The following CIB2 variants were observed in gnomAD, a reference collection of about 807,000 sequenced individuals.
CIB2 encodes calcium and integrin binding family member 2, also known as calcium and integrin-binding family member 2.
CIB2 carries 19 observed loss-of-function variants against 23.1 expected under a neutral mutation model. The observed-to-expected ratio is 0.82, with a 90% CI of 0.57 to 1.21. CIB2 has a LOEUF of 1.21. Ranked by LOEUF, CIB2 falls within the 50% of genes most tolerant of loss-of-function variation. The probability of loss-of-function intolerance (pLI) is 0.00; values close to 1 mark genes in which losing one functional copy is unlikely to be tolerated. For missense variants in CIB2, 220 were observed against 241.5 expected (o/e 0.91, Z 0.59); for synonymous variants, 94 against 91.7 (o/e 1.03, Z -0.14).
At chr15:78,109,634 G>A (rs1442358163) in intron 3 of CIB2, 11 of 522,178 alleles carry the variant, frequency 2.1e-5, no homozygotes, top group African/African-American at 3.8e-5. Context: ...ATTCTACTGG[G>A]TCATGTCACA....
chr15:78,131,067 G>T lies in CIB2; in HGVS notation c.51+98C>A. 1 of 1,108,800 alleles carries T rather than the reference G, an allele frequency of 9.0e-7. No homozygotes were observed. Among genetic ancestry groups the T allele is most frequent in the South Asian group, 1.4e-5 (1 of 69,012 alleles). The allele number at this position is 1,108,800 out of a possible 1,614,324, so 68.7% of individuals were successfully genotyped here. A position where few individuals can be genotyped will look rare whatever the true frequency, so the allele number is the denominator to read the frequency against. Reference sequence around the variant, plus strand: ...AGGCAGAGGCAGGGTTTGAACCTGGGAGAGCTGGCTCTCGGGAGGCCTCGG... The same window carrying T: ...AGGCAGAGGCAGGGTTTGAACCTGGTAGAGCTGGCTCTCGGGAGGCCTCGG... On this transcript the variant is annotated intron_variant, in intron 1 of 5. Coordinates refer to ENST00000258930, the MANE Select transcript of CIB2 (RefSeq NM_006383.4). The surrounding 1 kb of genome is among the most constrained non-coding windows in gnomAD (Gnocchi z 5.8).
At chr15:78,105,651 C>A (rs774555827) in intron 5 of CIB2, 88 bp downstream of exon 5, 9 of 1,602,426 alleles carry the variant, frequency 5.6e-6, no homozygotes, top group Non-Finnish European at 7.6e-6. Context: ...CCACTGCTCA[C>A]AAATAGCGAG....
chr15:78,109,141 TC>T, intron 4 of CIB2, 93 bp downstream of exon 4: 1 of 1,397,852 alleles, frequency 7.2e-7, no homozygotes, highest in South Asian at 1.4e-5. Flanking sequence ...GTTCTTGGTG[TC>T]CCTAGGGCAG....
intron 2 of CIB2, among the ~76,000 whole-genome samples, chr15:78,111,973 A>C (rs11856417): frequency 0.82 from 125,394 of 152,080 alleles, 51,689 homozygotes; most frequent in East Asian, 0.9. Context: ...TCACCCATAA[A>C]CTCTCTAACT....
intron 2 of CIB2, among the ~76,000 whole-genome samples, chr15:78,118,606 A>G (rs940923095): frequency 6.6e-6 from 1 of 152,004 alleles, no homozygotes; most frequent in African/African-American, 2.4e-5. Context: ...AAAAAAAAAA[A>G]ATTGTGATAA....
intron 5 of CIB2, 62 bp downstream of exon 5, chr15:78,105,677 C>G (rs1428293351): frequency 6.2e-7 from 1 of 1,609,740 alleles, no homozygotes; most frequent in Admixed American, 1.7e-5. Flanking sequence ...GGGGCCTCAG[C>G]CCCAACATCC....
chr15:78,126,142 C>G (rs575461903), intron 1 of CIB2, among the ~76,000 whole-genome samples: 2 of 132,066 alleles, frequency 1.5e-5, no homozygotes, highest in South Asian at 6.7e-4. Flanking sequence ...TTTCCCCTGC[C>G]CCCCCCCCTT....
intron 2 of CIB2, among the ~76,000 whole-genome samples, chr15:78,112,187 CTT>C (rs2074170593): frequency 6.6e-6 from 1 of 152,182 alleles, no homozygotes; most frequent in African/African-American, 2.4e-5. Flanking sequence ...ATTATTCAGT[CTT>C]TCTTTGCCCT....
intron 1 of CIB2, among the ~76,000 whole-genome samples, chr15:78,124,986 T>G (rs145370210): frequency 2.4e-4 from 36 of 152,272 alleles, no homozygotes; most frequent in Admixed American, 7.2e-4. Context: ...CAGGCCCCAT[T>G]TGGCCCAACA....
chr15:78,112,003 G>A (rs1178681810), intron 2 of CIB2, among the ~76,000 whole-genome samples: 1 of 152,134 alleles, frequency 6.6e-6, no homozygotes, highest in East Asian at 1.9e-4. Flanking sequence ...CGGGACCCAG[G>A]CTGCTACCCT....
At chr15:78,109,030 CCTT>C (rs1320091704) in intron 4 of CIB2, among the ~76,000 whole-genome samples, 1 of 152,214 alleles carries the variant, frequency 6.6e-6, no homozygotes, top group African/African-American at 2.4e-5. Context: ...GTCCCTCCCT[CCTT>C]CGTTCTCAGG....
At chr15:78,110,374 G>T (rs1289354218) in intron 3 of CIB2, among the ~76,000 whole-genome samples, 4 of 152,222 alleles carry the variant, frequency 2.6e-5, no homozygotes, top group Non-Finnish European at 5.9e-5. Flanking sequence ...GGGCCAGACG[G>T]GGTGCTGGTC....
intron 5 of CIB2, 187 bp from the exon 6 acceptor site, chr15:78,105,519 GC>G: frequency 2.0e-6 from 3 of 1,485,624 alleles, no homozygotes; most frequent in Non-Finnish European, 8.9e-7. Flanking sequence ...AGGGAGTTCT[GC>G]CCCCACTTAT....
chr15:78,117,542 C>G (rs947479765), intron 2 of CIB2, among the ~76,000 whole-genome samples: 4 of 152,232 alleles, frequency 2.6e-5, no homozygotes, highest in Non-Finnish European at 4.4e-5. Context: ...ATCCACCATT[C>G]ATGCCTAGTT....
chr15:78,125,958 G>C (rs1194645426), intron 1 of CIB2, among the ~76,000 whole-genome samples: 1 of 152,126 alleles, frequency 6.6e-6, no homozygotes, highest in African/African-American at 2.4e-5. Context: ...CCTGGCACCT[G>C]GGGCTCTAAA....
intron 2 of CIB2, among the ~76,000 whole-genome samples, chr15:78,117,183 A>G (rs1441610138): frequency 7.1e-6 from 1 of 141,688 alleles, no homozygotes; most frequent in East Asian, 2.2e-4. Context: ...CAAATGATCT[A>G]TTTGGGATCT....
intron 1 of CIB2, among the ~76,000 whole-genome samples, chr15:78,128,176 C>A (rs181677571): frequency 6.6e-6 from 1 of 152,308 alleles, no homozygotes; most frequent in East Asian, 1.9e-4. Flanking sequence ...TCCCTGAGTA[C>A]TCCCAGCTGA....
At chr15:78,123,460 T>C (rs1212203669) in intron 2 of CIB2, among the ~76,000 whole-genome samples, 2 of 152,158 alleles carry the variant, frequency 1.3e-5, no homozygotes, top group Non-Finnish European at 2.9e-5. Flanking sequence ...TGCCGGAAAC[T>C]ACCCACCTGA....
At chr15:78,118,165 T>TA (rs1334001727) in intron 2 of CIB2, among the ~76,000 whole-genome samples, 1 of 152,206 alleles carries the variant, frequency 6.6e-6, no homozygotes, top group Admixed American at 6.5e-5. Flanking sequence ...CCATTTTTTT[T>TA]AAAAAAGCTT....
Sources: allele counts gnomAD v4.1 joint callset (sites outside exome capture counted in the v4.1 genomes callset), GRCh38; gene constraint gnomAD v4.1.1; non-coding constraint Gnocchi (gnomAD v3.1); transcripts MANE v1.5; gene names NCBI Gene and HGNC (gene_info 2026-07-23, HGNC 2026-07-21).